The following RABL6 variants were observed in gnomAD, a reference collection of about 807,000 sequenced individuals.
RABL6 encodes the protein rab-like protein 6.
Under a neutral mutation model 72.9 loss-of-function variants are expected in RABL6, and 28 were observed. The ratio of observed to expected loss-of-function variants is 0.38; its 90% CI spans 0.28 to 0.53. The LOEUF (loss-of-function observed/expected upper bound fraction) is 0.53, where lower values mean the gene tolerates loss of function less well. Among genes scored for constraint, RABL6 ranks in the 20% least tolerant of loss-of-function variants. The probability of loss-of-function intolerance (pLI) is 0.80; values close to 1 mark genes in which losing one functional copy is unlikely to be tolerated. For missense variants in RABL6, 1,029 were observed against 1,008.4 expected, an observed-to-expected ratio of 1.02 and a Z score of -0.28; for synonymous variants, 477 against 421.2, an observed-to-expected ratio of 1.13 and a Z score of -1.62.
rs1848568022 is a variant in RABL6, at chr9:136,835,438, C to T, written c.706-304C>T. 6 of 308,338 alleles carry T rather than the reference C, an allele frequency of 1.9e-5. No homozygotes were observed. In the South Asian group the frequency reaches 2.8e-4, roughly 14 times the overall value. 19.1% of individuals were successfully genotyped at this position (308,338 alleles called of 1,614,324 possible). ...CAGGTGAAGGTGCGGCTTCTTCACT[C>T]TTAGAGGTGCGTGTGTGGGTGGGGG... On this transcript the variant is annotated intron_variant, in intron 7 of 14. Transcript: ENST00000311502.
In RABL6 at chr9:136,839,056, A is replaced by C. The variant is rs976345200; in HGVS notation, c.1428A>C (p.Glu476Asp). The change falls in exon 11 of 15, where the codon GAA becomes GAC. Residue 476 changes from glutamate (E) to aspartate (D), a missense_variant. Physicochemically the swap from Glu to Asp is conservative, Grantham distance 45. Around this residue, in one of 2 missense-constraint regions of RABL6, gnomAD observed 595 missense variants for 472.4 expected, o/e 1.26. Transcript: ENST00000311502. ...CTCTTTCGAGTGAGGAGGAAGCAGA[A>C]GTGGCAGCTCCCACAAAAGGCCCTG... ...DITLSSEEEA[E>D]VAAPTKGPAP... 2.5e-6 allele frequency: 4 copies of C among 1,612,274 alleles called. No homozygotes were observed. The African/African-American group carries it at 5.3e-5, about 22-fold the overall frequency.
intron 1 of RABL6, among the ~76,000 whole-genome samples, chr9:136,819,014 A>G (rs982761430): frequency 3.3e-5 from 5 of 152,086 alleles, no homozygotes; most frequent in Non-Finnish European, 7.4e-5. Context: ...AGGTAGAAAG[A>G]ATACTTTCTG....
At chr9:136,828,610 C>T (rs1381055628) in intron 4 of RABL6, 64 bp downstream of exon 4, 3 of 1,543,940 alleles carry the variant, frequency 1.9e-6, no homozygotes, top group African/African-American at 1.4e-5. Flanking sequence ...AGCCGGTGCC[C>T]AGCGCTTCAC....
At chr9:136,810,546 C>G (rs1209252367) in intron 1 of RABL6, among the ~76,000 whole-genome samples, 1 of 151,888 alleles carries the variant, frequency 6.6e-6, no homozygotes, top group Non-Finnish European at 1.5e-5. Context: ...CTTTTCTTTT[C>G]TTTTTTGAGA....
At chr9:136,824,636 T>A (rs1259350256) in intron 2 of RABL6, among the ~76,000 whole-genome samples, 1 of 151,862 alleles carries the variant, frequency 6.6e-6, no homozygotes, top group African/African-American at 2.4e-5. Flanking sequence ...CCCAGGGCTG[T>A]TTTAAACACC....
chr9:136,838,057 C>G, intron 10 of RABL6, 42 bp downstream of exon 10: 1 of 1,546,500 alleles, frequency 6.5e-7, no homozygotes, highest in South Asian at 1.2e-5. Context: ...TGCCCCCCAG[C>G]CTCCAGGGTG....
At position 136,840,403 on chromosome 9, in the gene RABL6, C is replaced by G; in HGVS notation, c.2071C>G (p.Arg691Gly). The change falls in exon 15 of 15, where the codon CGG (arginine) becomes GGG (glycine). Residue 691 changes from arginine to glycine, a missense_variant. Around this residue, in one of 2 missense-constraint regions of RABL6, gnomAD observed 595 missense variants for 472.4 expected, o/e 1.26. Transcript: ENST00000311502. ...GGAGGGCAAGGAGGAGCGGCGACGG[C>G]GGCAGCAGCGGCCCCCGCGCAGCAG... ...KEEGKEERRR[R>G]QQRPPRSRER... 1 of 1,550,732 alleles carries G rather than the reference C, an allele frequency of 6.4e-7. No homozygotes were observed. Among genetic ancestry groups the G allele is most frequent in the South Asian group, 1.2e-5 (1 of 84,222 alleles).
chr9:136,818,782 T>C (rs185003548), intron 1 of RABL6, among the ~76,000 whole-genome samples: 148 of 151,532 alleles, frequency 9.8e-4, no homozygotes, highest in Non-Finnish European at 1.6e-3. Context: ...GCGTTGGTTA[T>C]GTTAATCAGT....
At chr9:136,827,789 G>A (rs1848390097) in intron 3 of RABL6, 1 of 152,332 alleles carries the variant, frequency 6.6e-6, no homozygotes, top group Non-Finnish European at 1.5e-5. Flanking sequence ...TAGGGGTTTT[G>A]TTTGTTGTCC....
intron 7 of RABL6, chr9:136,834,006 G>A (rs749860474): frequency 6.7e-7 from 1 of 1,494,162 alleles, no homozygotes; most frequent in Admixed American, 2.2e-5. Context: ...GAGAGAACGG[G>A]ACCCTGGACA....
intron 1 of RABL6, chr9:136,821,509 A>G (rs1848236349): frequency 1.0e-6 from 1 of 985,282 alleles, no homozygotes; most frequent in Non-Finnish European, 1.2e-6. Flanking sequence ...CAGCGAGGCT[A>G]TGCGTGCGCG....
intron 7 of RABL6, chr9:136,833,647 C>A (rs1048268676): frequency 5.2e-6 from 8 of 1,539,662 alleles, no homozygotes; most frequent in South Asian, 1.2e-5. Flanking sequence ...ACCTCCTCGC[C>A]CTGGGCTGCC....
rs922540091 is a variant in RABL6 at position 136,840,557 on chromosome 9, G to T, written c.*35G>T. On this transcript the variant is annotated 3_prime_UTR_variant, in exon 15 of 15. Coordinates refer to ENST00000311502, the MANE Select transcript of RABL6 (RefSeq NM_024718.5). ...GGCAGTGGCCGCCCTGGGGCGGGGG[G>T]CGTGCCTGTCACTGCCTGGGGAGGC... 22 of 1,547,132 alleles carry T rather than the reference G, an allele frequency of 1.4e-5. No individual in the cohort carries two copies. In the Admixed American group the frequency reaches 3.3e-4, roughly 23 times the overall value.
chr9:136,834,222 T>C (rs1848541685), intron 7 of RABL6: 53 of 1,202,902 alleles, frequency 4.4e-5, no homozygotes, highest in Non-Finnish European at 5.3e-5. Context: ...AAAAAATCAG[T>C]TGTTTTTTTA....
At chr9:136,822,148 G>A (rs1848251123) in intron 1 of RABL6, 3 of 1,212,104 alleles carry the variant, frequency 2.5e-6, no homozygotes, top group Non-Finnish European at 3.2e-6. Flanking sequence ...CTTCGAGGCC[G>A]GGCGCCCTCT....
At chr9:136,812,693 C>T (rs1278217306) in intron 1 of RABL6, 4 of 258,774 alleles carry the variant, frequency 1.5e-5, no homozygotes, top group Admixed American at 1.2e-4. Context: ...GGAATGTCCT[C>T]AGAGAGCTCT....
intron 7 of RABL6, 56 bp from the exon 8 acceptor site, chr9:136,835,685 TG>T: frequency 6.8e-7 from 1 of 1,472,068 alleles, no homozygotes; most frequent in East Asian, 2.5e-5. Context: ...GCTGTGGGGC[TG>T]GGGCACTCGC....
chr9:136,808,405 G>A, intron 1 of RABL6, 79 bp downstream of exon 1: 3 of 1,344,312 alleles, frequency 2.2e-6, no homozygotes, highest in Non-Finnish European at 2.9e-6. Context: ...CGCGGTGGTG[G>A]GTGTCGGTCT....
At chr9:136,837,300 G>A (rs753253434) in intron 8 of RABL6, 46 bp from the exon 9 acceptor site, 22 of 1,539,700 alleles carry the variant, frequency 1.4e-5, no homozygotes, top group Non-Finnish European at 1.9e-5. Context: ...AGGGCCTCAG[G>A]GAGAGGCAGG....
Sources: allele counts gnomAD v4.1 joint callset (sites outside exome capture counted in the v4.1 genomes callset), GRCh38; gene constraint gnomAD v4.1.1; regional missense constraint gnomAD v4.1.1; transcripts MANE v1.5; gene names NCBI Gene and HGNC (gene_info 2026-07-23, HGNC 2026-07-21).